The following CRLF3 variants were observed in gnomAD, a reference collection of about 807,000 sequenced individuals.
CRLF3 encodes cytokine receptor-like factor 3.
Under a neutral mutation model 55.0 loss-of-function variants are expected in CRLF3, and 33 were observed. The ratio of observed to expected loss-of-function variants is 0.60; its 90% CI spans 0.46 to 0.80. The LOEUF (loss-of-function observed/expected upper bound fraction) is 0.80, where lower values mean the gene tolerates loss of function less well. Ranked by LOEUF, CRLF3 falls within the 30% of genes least tolerant of loss-of-function variation. The pLI is 0.00. For synonymous variants in CRLF3, 238 were observed against 196.8 expected, an observed-to-expected ratio of 1.21 and a Z score of -1.75; for missense variants, 494 against 538.4, an observed-to-expected ratio of 0.92 and a Z score of 0.82.
At chr17:30,793,982 G>A (rs528684404) in intron 4 of CRLF3, among the ~76,000 whole-genome samples, 43 of 152,094 alleles carry the variant, frequency 2.8e-4, no homozygotes, top group African/African-American at 9.6e-4. Context: ...GGGATTTCAG[G>A]TGCACACCAC....
At position 30,824,578 on chromosome 17, in the gene CRLF3, C is replaced by T; in HGVS notation, c.74G>A (p.Ser25Asn). The T allele has an allele frequency of 1.2e-6, 2 of 1,604,596 alleles. No individual in the cohort carries two copies. Among genetic ancestry groups the T allele is most frequent in the South Asian group, 2.2e-5 (2 of 90,646 alleles). Residue 25 changes from serine to asparagine, a missense_variant, in exon 1 of 8, where the codon AGC becomes AAC. By Grantham distance (46) the Ser-to-Asn change is conservative. Transcript: ENST00000324238. ...CCGGTGACCCAGCTCCCGCCGGTAG[C>T]TCTGCGCTGCCTCCACGTTCTCGCG... ...EARENVEAAQSYRRELGHRLE... is the reference protein window; with the variant it reads ...EARENVEAAQNYRRELGHRLE...
intron 1 of CRLF3, among the ~76,000 whole-genome samples, chr17:30,819,573 G>A (rs1033258739): frequency 6.6e-6 from 1 of 152,160 alleles, no homozygotes; most frequent in Non-Finnish European, 1.5e-5. Flanking sequence ...CGCCTGCCCG[G>A]CTCAAGCAAT....
At chr17:30,813,922 T>TA (rs1904704783) in intron 1 of CRLF3, among the ~76,000 whole-genome samples, 1 of 152,160 alleles carries the variant, frequency 6.6e-6, no homozygotes, top group South Asian at 2.1e-4. Flanking sequence ...ACAACTAAAA[T>TA]AGCTGCAAAT....
chr17:30,793,145 T>G (rs368322568), intron 5 of CRLF3, among the ~76,000 whole-genome samples: 176 of 151,470 alleles, frequency 1.2e-3, no homozygotes, highest in African/African-American at 4.1e-3. Flanking sequence ...TCAAAAAAAC[T>G]AACTAAATAA....
At chr17:30,785,745 G>A (rs953599157) in intron 7 of CRLF3, among the ~76,000 whole-genome samples, 174 bp downstream of exon 7, 1 of 149,936 alleles carries the variant, frequency 6.7e-6, no homozygotes, top group South Asian at 2.1e-4. Flanking sequence ...TCATGCCACT[G>A]TACTCCAGCC....
In CRLF3 at chr17:30,784,450, T is replaced by A; in HGVS notation, c.1073-7A>T. On this transcript the variant is annotated splice_polypyrimidine_tract_variant and splice_region_variant and intron_variant, in intron 7 of 7. Transcript: ENST00000324238. ...CCATTGACAAAAACTGCACCTAAAATGTTAAGGTAAAGAGTCATTTACATG... is the reference window on the plus strand; with the variant it reads ...CCATTGACAAAAACTGCACCTAAAAAGTTAAGGTAAAGAGTCATTTACATG... The A allele has an allele frequency of 1.9e-6, 3 of 1,608,740 alleles. No individual in the cohort carries two copies. The highest frequency in any genetic ancestry group is 2.6e-6 in the Non-Finnish European group (3 of 1,175,462).
chr17:30,797,967 A>G (rs1428007176), intron 2 of CRLF3, among the ~76,000 whole-genome samples: 2 of 141,508 alleles, frequency 1.4e-5, no homozygotes, highest in South Asian at 2.2e-4. Flanking sequence ...TTTGGTAGAG[A>G]TGAGGTCTCA....
chr17:30,818,487 C>G (rs748321865), intron 1 of CRLF3, among the ~76,000 whole-genome samples: 20 of 144,696 alleles, frequency 1.4e-4, no homozygotes, highest in Admixed American at 7.0e-4. Context: ...CAGTTTCACT[C>G]CTGTTGCCCA....
At chr17:30,797,179 C>T in intron 3 of CRLF3, 132 bp downstream of exon 3, 1 of 709,160 alleles carries the variant, frequency 1.4e-6, no homozygotes, top group Non-Finnish European at 2.4e-6. Flanking sequence ...GTGTAAACCA[C>T]CACGCATGGT....
intron 6 of CRLF3, among the ~76,000 whole-genome samples, chr17:30,790,099 T>A (rs912045666): frequency 6.6e-6 from 1 of 152,024 alleles, no homozygotes; most frequent in Non-Finnish European, 1.5e-5. Context: ...ACTAGTATAA[T>A]CTGACAACCG....
chr17:30,815,604 C>T (rs76529457), intron 1 of CRLF3, among the ~76,000 whole-genome samples: 19,900 of 144,642 alleles, frequency 0.14, 1,449 homozygotes, highest in South Asian at 0.25. Context: ...AGTGCAGTGG[C>T]GCAATCTCGG....
At chr17:30,801,969 C>G (rs1972012510) in intron 2 of CRLF3, among the ~76,000 whole-genome samples, 1 of 151,864 alleles carries the variant, frequency 6.6e-6, no homozygotes, top group Non-Finnish European at 1.5e-5. Context: ...TGCTTCAAGC[C>G]TCTGTGGAAC....
At chr17:30,792,613 TGA>T (rs1249809371) in intron 5 of CRLF3, 41 bp from the exon 6 acceptor site, 1 of 1,572,352 alleles carries the variant, frequency 6.4e-7, no homozygotes, top group Non-Finnish European at 8.7e-7. Context: ...TAGAATCTCT[TGA>T]GGGATATCTT....
chr17:30,813,118 C>T (rs1167708247), intron 1 of CRLF3, among the ~76,000 whole-genome samples: 1 of 152,140 alleles, frequency 6.6e-6, no homozygotes, highest in Non-Finnish European at 1.5e-5. Flanking sequence ...AGCTTTGGCA[C>T]AGTTTTATTA....
At chr17:30,791,287 T>C (rs1459772080) in intron 6 of CRLF3, among the ~76,000 whole-genome samples, 6 of 151,616 alleles carry the variant, frequency 4.0e-5, no homozygotes, top group Non-Finnish European at 7.4e-5. Context: ...GCCAGGGTGG[T>C]GTCTTGATCT....
intron 1 of CRLF3, among the ~76,000 whole-genome samples, chr17:30,819,721 C>T (rs1424835138): frequency 6.6e-6 from 1 of 151,802 alleles, no homozygotes; most frequent in Non-Finnish European, 1.5e-5. Context: ...ACAGAAAGGC[C>T]AATGCTGTAG....
In CRLF3 at chr17:30,797,366, C is replaced by T. The variant is rs761564700; in HGVS notation, c.370G>A (p.Glu124Lys). ...GTAAAGCTCCACAGTTTCTCATTCT[C>T]TTCTCCCACACCACCAAGCATGGCG... is the stretch of plus-strand genomic sequence containing the variant. ...EIAMLGGVGE[E>K]NEKLWSFTKK... Residue 124 changes from glutamate to lysine, a missense_variant, in exon 3 of 8, where the codon GAG becomes AAG. Glu to Lys is a moderately conservative substitution (Grantham distance 56). Transcript: ENST00000324238. The T allele has an allele frequency of 5.0e-6, 8 of 1,613,978 alleles. No individual in the cohort carries two copies. In the South Asian group the frequency reaches 7.7e-5, roughly 16 times the overall value.
intron 1 of CRLF3, among the ~76,000 whole-genome samples, 155 bp from the exon 2 acceptor site, chr17:30,804,263 G>C (rs1972051810): frequency 6.6e-6 from 1 of 152,102 alleles, no homozygotes; most frequent in Non-Finnish European, 1.5e-5. Flanking sequence ...GTGATATTTT[G>C]ATACACATAT....
intron 2 of CRLF3, among the ~76,000 whole-genome samples, chr17:30,802,000 C>T (rs1972012957): frequency 6.6e-6 from 1 of 151,914 alleles, no homozygotes; most frequent in Non-Finnish European, 1.5e-5. Flanking sequence ...GAAAGCTATC[C>T]CACACTATTC....
Sources: gnomAD v4.1 joint callset for allele counts (sites outside exome capture counted in the v4.1 genomes callset) on GRCh38, gnomAD v4.1.1 for gene constraint, MANE v1.5 for transcripts, NCBI Gene and HGNC (gene_info 2026-07-23, HGNC 2026-07-21) for gene names.